FRMD3: variants seen among roughly 807,000 people sequenced by gnomAD.
FRMD3 encodes FERM domain-containing protein 3.
A neutral mutation model predicts 70.2 loss-of-function variants in FRMD3; 33 were observed. The ratio of observed to expected loss-of-function variants is 0.47; its 90% CI spans 0.36 to 0.63. The LOEUF (loss-of-function observed/expected upper bound fraction) is 0.63. Ranked by LOEUF, FRMD3 falls within the 20% of genes least tolerant of loss-of-function variation. The pLI is 0.00. For synonymous variants in FRMD3, 279 were observed against 255.9 expected (o/e 1.09, Z -0.86); for missense variants, 632 against 711.4 (o/e 0.89, Z 1.27).
chr9:83,560,392 G>A, the FRMD3 span, among the ~76,000 whole-genome samples: 6 of 152,164 alleles, frequency 3.9e-5, no homozygotes, highest in African/African-American at 9.7e-5. Context: ...AAGAGACACT[G>A]CCCTTTCAGC....
Position 83,247,742 on chromosome 9 carries a change from G to T in FRMD3, c.*176C>A. On this transcript the variant is annotated 3_prime_UTR_variant, in exon 14 of 14. Coordinates refer to ENST00000304195, the MANE Select transcript of FRMD3 (RefSeq NM_174938.6). ...ACCTGTAACTAAAATAACTGTATTT[G>T]ATTTAAACTTATTTAAGTGCAGTGA... 6.9e-7 allele frequency: 1 copy of T among 1,448,852 alleles called. No homozygotes were observed. The highest frequency in any genetic ancestry group is 9.1e-7 in the Non-Finnish European group (1 of 1,101,880). The allele number at this position is 1,448,852 out of a possible 1,614,324, so 89.7% of individuals were successfully genotyped here.
intron 1 of FRMD3, among the ~76,000 whole-genome samples, chr9:83,468,962 A>T (rs528478944): frequency 6.6e-5 from 10 of 152,324 alleles, no homozygotes; most frequent in Admixed American, 4.6e-4. Flanking sequence ...TATCATGACC[A>T]AATGAATGTA....
chr9:83,505,015 C>T (rs1442780323), intron 1 of FRMD3, among the ~76,000 whole-genome samples: 1 of 152,158 alleles, frequency 6.6e-6, no homozygotes, highest in African/African-American at 2.4e-5. Context: ...ATCAGAGTTG[C>T]TACTTTCTTG....
At chr9:83,559,093 C>A in the FRMD3 span, among the ~76,000 whole-genome samples, 1 of 152,126 alleles carries the variant, frequency 6.6e-6, no homozygotes, top group Non-Finnish European at 1.5e-5. Flanking sequence ...GCTGATAAAG[C>A]AGTAGCAGGT....
At chr9:83,475,784 T>TCACGC (rs1828382171) in intron 1 of FRMD3, among the ~76,000 whole-genome samples, 1 of 152,206 alleles carries the variant, frequency 6.6e-6, no homozygotes, top group African/African-American at 2.4e-5. Flanking sequence ...CATGCTGCTA[T>TCACGC]CACGCACTCT....
At chr9:83,527,058 C>T (rs909241531) in intron 1 of FRMD3, among the ~76,000 whole-genome samples, 1 of 152,074 alleles carries the variant, frequency 6.6e-6, no homozygotes. Flanking sequence ...ACAGCTGGGG[C>T]CCCTATGCCT....
intron 13 of FRMD3, among the ~76,000 whole-genome samples, chr9:83,258,453 T>C (rs547665157): frequency 1.4e-4 from 22 of 152,364 alleles, no homozygotes; most frequent in Non-Finnish European, 4.4e-5. Context: ...ACAGCCCTTG[T>C]CTAGTTTGCC....
intron 1 of FRMD3, among the ~76,000 whole-genome samples, chr9:83,413,366 G>T (rs988168544): frequency 1.3e-5 from 2 of 152,112 alleles, no homozygotes; most frequent in Admixed American, 1.3e-4. Flanking sequence ...GGGGCATGTT[G>T]GCTCTTCTCA....
chr9:83,510,187 CAGAG>C (rs1362877121), intron 1 of FRMD3, among the ~76,000 whole-genome samples: 1 of 152,102 alleles, frequency 6.6e-6, no homozygotes, highest in African/African-American at 2.4e-5. Context: ...AGGAGGGCTC[CAGAG>C]AGAGTCTTCT....
chr9:83,371,604 G>C (rs941523533), intron 3 of FRMD3, among the ~76,000 whole-genome samples: 1 of 152,130 alleles, frequency 6.6e-6, no homozygotes, highest in African/African-American at 2.4e-5. Context: ...GCGTGAGCCT[G>C]GCCCGTCCTA....
chr9:83,408,773 A>C lies in FRMD3; in HGVS notation c.148-19065T>G, dbSNP rs73648554. Among the ~76,000 whole-genome samples, 280 of 152,246 alleles carry C rather than the reference A, an allele frequency of 1.8e-3. 3 individuals are homozygous for C. Among genetic ancestry groups the C allele is most frequent in the African/African-American group, 6.5e-3 (269 of 41,538 alleles). On this transcript the variant is annotated intron_variant, in intron 1 of 13. Coordinates refer to ENST00000304195, the MANE Select transcript of FRMD3 (RefSeq NM_174938.6). ...CTCTCCTTTCATCACTAATTACCAG[A>C]GCAGAGTTAAGCTGCTACCACAGGC...
chr9:83,418,658 G>A (rs556995916), intron 1 of FRMD3, among the ~76,000 whole-genome samples: 1 of 152,236 alleles, frequency 6.6e-6, no homozygotes, highest in East Asian at 1.9e-4. Context: ...TGGGGAAAAG[G>A]GAACACTGTT....
chr9:83,375,112 C>A (rs7037541), intron 2 of FRMD3, among the ~76,000 whole-genome samples: 11,742 of 152,066 alleles, frequency 0.077, 559 homozygotes, highest in South Asian at 0.13. Context: ...TGTGTGCCCA[C>A]ACCAGGGCTG....
In FRMD3 at chr9:83,478,947, T is replaced by G. The variant is rs1038906138; in HGVS notation, c.147+59138A>C. On this transcript the variant is annotated intron_variant, in intron 1 of 13. Transcript: ENST00000304195. ...AAAGTGAACCCTGGAATACAGAGACTGTACCTATGCACTACGGGTCCCTAG... is the reference window on the plus strand; with the variant it reads ...AAAGTGAACCCTGGAATACAGAGACGGTACCTATGCACTACGGGTCCCTAG... Among the ~76,000 whole-genome samples, 5 of 152,300 alleles carry G rather than the reference T, an allele frequency of 3.3e-5. No individual in the cohort carries two copies. In the East Asian group the frequency reaches 7.7e-4, roughly 24 times the overall value.
intron 1 of FRMD3, among the ~76,000 whole-genome samples, chr9:83,404,870 A>T (rs1409042841): frequency 1.3e-5 from 2 of 152,222 alleles, no homozygotes; most frequent in Non-Finnish European, 2.9e-5. Context: ...TGGGTTGCTT[A>T]TCAGTGTAAA....
intron 5 of FRMD3, among the ~76,000 whole-genome samples, chr9:83,342,240 C>G (rs989273240): frequency 1.4e-4 from 22 of 152,308 alleles, no homozygotes; most frequent in African/African-American, 5.1e-4. Flanking sequence ...TATGGTGCCT[C>G]AGGCCCTGGA....
chr9:83,292,181 CAG>C (rs1475636491), intron 12 of FRMD3, among the ~76,000 whole-genome samples: 31 of 138,166 alleles, frequency 2.2e-4, no homozygotes, highest in African/African-American at 4.6e-4. Context: ...TTTTTTGAGA[CAG>C]AGTCTCGCTC....
intron 1 of FRMD3, among the ~76,000 whole-genome samples, chr9:83,404,155 G>A (rs2131324884): frequency 6.6e-6 from 1 of 152,196 alleles, no homozygotes; most frequent in South Asian, 2.1e-4. Context: ...TGTAGGCTGG[G>A]CTCCCCGGCT....
At chr9:83,422,964 A>G (rs1826687890) in intron 1 of FRMD3, among the ~76,000 whole-genome samples, 1 of 152,216 alleles carries the variant, frequency 6.6e-6, no homozygotes, top group Admixed American at 6.5e-5. Context: ...TGCTTAAGCA[A>G]AGACCTAGAA....
Sources: allele counts gnomAD v4.1 joint callset (sites outside exome capture counted in the v4.1 genomes callset), GRCh38; gene constraint gnomAD v4.1.1; transcripts MANE v1.5; gene names NCBI Gene and HGNC (gene_info 2026-07-23, HGNC 2026-07-21).